The following TLN2 variants were observed in gnomAD, a reference collection of about 807,000 sequenced individuals.
TLN2 encodes talin 2.
In TLN2, 118 loss-of-function variants were observed where a neutral mutation model predicts 294.7. The observed-to-expected ratio is 0.40, with a 90% confidence interval of 0.34 to 0.47. TLN2 has a LOEUF of 0.47. Ranked by LOEUF, TLN2 falls within the 20% of genes least tolerant of loss-of-function variation. The pLI is 0.84. For missense variants in TLN2, 3,083 were observed against 3,282.2 expected, an observed-to-expected ratio of 0.94 and a Z score of 1.48; for synonymous variants, 1,431 against 1,304.5, an observed-to-expected ratio of 1.10 and a Z score of -2.09.
intron 1 of TLN2, among the ~76,000 whole-genome samples, chr15:62,402,009 C>T (rs1043132014): frequency 5.3e-5 from 8 of 152,160 alleles, no homozygotes; most frequent in Non-Finnish European, 8.8e-5. Context: ...AAGAATTATG[C>T]CATCCAAAAT....
At chr15:62,639,957 A>G (rs1185386064) in intron 3 of TLN2, among the ~76,000 whole-genome samples, 1 of 152,298 alleles carries the variant, frequency 6.6e-6, no homozygotes, top group South Asian at 2.1e-4. Context: ...TGAAGGCATG[A>G]CTTGACTTAC....
intron 1 of TLN2, among the ~76,000 whole-genome samples, chr15:62,508,637 A>G (rs1466903306): frequency 6.6e-6 from 1 of 152,280 alleles, no homozygotes; most frequent in Non-Finnish European, 1.5e-5. Context: ...CGATTTATCA[A>G]ATAAAAAAGG....
intron 11 of TLN2, among the ~76,000 whole-genome samples, chr15:62,677,812 T>TTTTTTTTTTTTTTTTTTTTTTTTG (rs2056397062): frequency 7.6e-6 from 1 of 131,584 alleles, no homozygotes; most frequent in African/African-American, 2.8e-5. Flanking sequence ...GCAACTTTTT[T>TTTTTTTTTTTTTTTTTTTTTTTTG]TTTTTTTTTG....
chr15:62,805,355 T>G (rs781757645), intron 50 of TLN2, among the ~76,000 whole-genome samples: 7 of 152,214 alleles, frequency 4.6e-5, no homozygotes, highest in African/African-American at 1.7e-4. Flanking sequence ...GTTAACACTC[T>G]AGATACGTCT....
chr15:62,593,017 T>G (rs2046205306), intron 2 of TLN2, among the ~76,000 whole-genome samples: 1 of 152,154 alleles, frequency 6.6e-6, no homozygotes, highest in South Asian at 2.1e-4. Context: ...CAATGAAAAA[T>G]ATTGTTTTTG....
At chr15:62,673,748 G>C in intron 9 of TLN2, 79 bp from the exon 10 acceptor site, 1 of 1,156,652 alleles carries the variant, frequency 8.6e-7, no homozygotes, top group Non-Finnish European at 1.3e-6. Flanking sequence ...TTAACTATGA[G>C]TTTTATTAAA....
intron 1 of TLN2, among the ~76,000 whole-genome samples, chr15:62,519,638 G>A (rs1384167041): frequency 6.6e-6 from 1 of 152,210 alleles, no homozygotes; most frequent in East Asian, 1.9e-4. Context: ...AAAGTGATTG[G>A]TAAAGGAGAG....
In TLN2 at chr15:62,708,828, G is replaced by C. The variant is rs894579800; in HGVS notation, c.2467+32G>C. The C allele has an allele frequency of 3.2e-6, 5 of 1,574,136 alleles. No homozygotes were observed. In the African/African-American group the frequency reaches 4.0e-5, roughly 13 times the overall value. On this transcript the variant is annotated intron_variant, in intron 21 of 58. Transcript: ENST00000636159. ...CACTGTGCTGTGGGTGGGTGGATGG[G>C]TGGCTTTTGATGTTCCTGATGGTGG...
chr15:62,440,637 C>G (rs72753851), intron 1 of TLN2, among the ~76,000 whole-genome samples: 26,649 of 152,166 alleles, frequency 0.18, 2,868 homozygotes, highest in Admixed American at 0.28. Flanking sequence ...TCTTATACCC[C>G]TATCCCTGTC....
chr15:62,619,852 C>T lies in TLN2; in HGVS notation c.-37+1377C>T, dbSNP rs118000167. ...AGAACAAATTCCTATTGTTTTAGGA[C>T]ACCAAGTTTGTGGTCATTTTTTTTA... On this transcript the variant is annotated intron_variant, in intron 3 of 58. Coordinates refer to ENST00000636159, the MANE Select transcript of TLN2 (RefSeq NM_015059.3). Among the ~76,000 whole-genome samples, 592 of 152,330 alleles carry T rather than the reference C, an allele frequency of 3.9e-3. 1 individual carries two copies. Among genetic ancestry groups the T allele is most frequent in the Non-Finnish European group, 6.0e-3 (408 of 68,036 alleles).
intron 52 of TLN2, among the ~76,000 whole-genome samples, chr15:62,811,034 G>T (rs1022696824): frequency 1.3e-5 from 2 of 152,178 alleles, no homozygotes; most frequent in Admixed American, 1.3e-4. Flanking sequence ...CTTGTCCCTT[G>T]GTTGAAGTCA....
At chr15:62,714,722 A>G (rs2059658090) in intron 22 of TLN2, among the ~76,000 whole-genome samples, 1 of 152,230 alleles carries the variant, frequency 6.6e-6, no homozygotes, top group South Asian at 2.1e-4. Context: ...AAGCTAAAGA[A>G]CACGCAATGG....
In TLN2 at chr15:62,647,291, T is replaced by C; in HGVS notation, c.-20T>C. On this transcript the variant is annotated 5_prime_UTR_variant, in exon 4 of 59. Transcript: ENST00000636159. ...GTTTTCCAGACATTCTAAGTGAGAC[T>C]GTCCACATCATCTAGGAAAATGGTG... 6.2e-7 allele frequency: 1 copy of C among 1,613,050 alleles called. No homozygotes were observed. Among genetic ancestry groups the C allele is most frequent in the Non-Finnish European group, 8.5e-7 (1 of 1,179,286 alleles).
chr15:62,606,603 A>G (rs1483111765), intron 2 of TLN2, among the ~76,000 whole-genome samples: 1 of 152,174 alleles, frequency 6.6e-6, no homozygotes, highest in Non-Finnish European at 1.5e-5. Flanking sequence ...GGTCAGCGAT[A>G]CAGCATTCCT....
intron 1 of TLN2, among the ~76,000 whole-genome samples, chr15:62,485,549 GTGGTTGTGCTC>G (rs1410293140): frequency 6.6e-6 from 1 of 152,220 alleles, no homozygotes; most frequent in East Asian, 1.9e-4. Flanking sequence ...GTGGGGGCAA[GTGGTTGTGCTC>G]TGAGAGCTTG....
intron 28 of TLN2, among the ~76,000 whole-genome samples, chr15:62,735,162 T>C (rs1371799873): frequency 6.6e-6 from 1 of 152,206 alleles, no homozygotes; most frequent in Non-Finnish European, 1.5e-5. Context: ...GAAGTGTTTG[T>C]GGGCAAGATA....
chr15:62,506,691 G>A (rs2039639828), intron 1 of TLN2, among the ~76,000 whole-genome samples: 1 of 152,236 alleles, frequency 6.6e-6, no homozygotes, highest in Non-Finnish European at 1.5e-5. Flanking sequence ...TATGGCAGAA[G>A]CAGGCGTTGC....
chr15:62,647,591 C>T (rs2052037146), intron 4 of TLN2, 145 bp downstream of exon 4: 23 of 1,122,354 alleles, frequency 2.0e-5, no homozygotes, highest in Non-Finnish European at 2.9e-5. Context: ...CAGACACTAC[C>T]TGCTTCCTCT....
chr15:62,560,251 G>GT (rs1177834855), intron 1 of TLN2, among the ~76,000 whole-genome samples: 5 of 152,022 alleles, frequency 3.3e-5, no homozygotes, highest in African/African-American at 1.2e-4. Context: ...TTTTTTGTTT[G>GT]TTTTTTTGAG....
Sources: allele counts gnomAD v4.1 joint callset (sites outside exome capture counted in the v4.1 genomes callset), GRCh38; gene constraint gnomAD v4.1.1; transcripts MANE v1.5; gene names NCBI Gene and HGNC (gene_info 2026-07-23, HGNC 2026-07-21).